Variants in FOXP1 observed in about 807,000 individuals in gnomAD.
FOXP1 encodes the protein forkhead box P1.
A neutral mutation model predicts 98.2 loss-of-function variants in FOXP1; 15 were observed. The observed-to-expected ratio is 0.15, with a 90% CI of 0.10 to 0.24. The LOEUF (loss-of-function observed/expected upper bound fraction) is 0.24. FOXP1 is among the 10% of genes least tolerant of loss of function. The pLI, the probability that FOXP1 is intolerant of heterozygous loss-of-function variation, is 1.00. For missense variants in FOXP1, 633 were observed against 848.5 expected (o/e 0.75, Z 3.15); for synonymous variants, 371 against 314.5 (o/e 1.18, Z -1.90).
rs749585355 is a variant in FOXP1 at position 71,389,953 on chromosome 3, A to AG, written c.-167-30710_-167-30709insC. Among the ~76,000 whole-genome samples the AG allele has an allele frequency of 5.3e-5, 8 of 152,224 alleles. No homozygotes were observed. In the East Asian group the frequency reaches 5.8e-4, roughly 11 times the overall value. ...TGCCAGTGGAAACCTTCAGCAGCAG[A>AG]AAGCTCAGGCTGCGGTTTCTTGCCG... On this transcript the variant is annotated intron_variant, in intron 3 of 20. Coordinates refer to ENST00000649528, the MANE Select transcript of FOXP1 (RefSeq NM_001349338.3).
At chr3:71,283,230 C>G (rs2071751112) in intron 5 of FOXP1, among the ~76,000 whole-genome samples, 1 of 152,184 alleles carries the variant, frequency 6.6e-6, no homozygotes, top group Non-Finnish European at 1.5e-5. Context: ...GGTTTACGGA[C>G]TCACAGAGCA....
rs59404230 is a variant in FOXP1, at chr3:71,232,877, C to CAAAAAA, written c.-11-34491_-11-34486dup. Reference sequence around the variant, plus strand: ...CGTGCCACAGAGCAAAACTCTGTCTCAAAAAAAAAAAAAAAAAAAGCAAGA... The same window carrying CAAAAAA: ...CGTGCCACAGAGCAAAACTCTGTCTCAAAAAAAAAAAAAAAAAAAAAAAAAGCAAGA... On this transcript the variant is annotated intron_variant, in intron 5 of 20. Coordinates refer to ENST00000649528, the MANE Select transcript of FOXP1 (RefSeq NM_001349338.3). Among the ~76,000 whole-genome samples the CAAAAAA allele has an allele frequency of 5.6e-3, 177 of 31,404 alleles. 18 individuals carry two copies. The highest frequency in any genetic ancestry group is 0.091 in the Middle Eastern group (2 of 22). 20.6% of individuals were successfully genotyped at this position (31,404 alleles called of 152,430 possible).
upstream of FOXP1, chr3:71,583,850 G>A: frequency 7.1e-6 from 7 of 986,248 alleles, no homozygotes; most frequent in Non-Finnish European, 8.4e-6. Context: ...CACCGGCCCG[G>A]GGGCGCACCC....
intron 7 of FOXP1, among the ~76,000 whole-genome samples, chr3:71,066,849 A>G (rs1441061429): frequency 5.3e-5 from 8 of 152,238 alleles, no homozygotes; most frequent in Admixed American, 5.2e-4. Flanking sequence ...AGTGTTTATC[A>G]GCTAATAGTC....
intron 2 of FOXP1, among the ~76,000 whole-genome samples, chr3:71,518,730 G>A (rs1466415397): frequency 1.3e-5 from 2 of 152,168 alleles, no homozygotes; most frequent in East Asian, 3.9e-4. Flanking sequence ...TACCTATTGG[G>A]TTTGAGTCAT....
At chr3:71,126,871 C>CAAAAAAAAAAAAAAAAAAAAAAAA (rs1230464030) in intron 6 of FOXP1, among the ~76,000 whole-genome samples, 2 of 77,106 alleles carry the variant, frequency 2.6e-5, no homozygotes, top group African/African-American at 9.6e-5. Context: ...AAAAAACAAA[C>CAAAAAAAAAAAAAAAAAAAAAAAA]AAAAAAAAAA....
intron 2 of FOXP1, among the ~76,000 whole-genome samples, chr3:71,532,110 T>C (rs1304624655): frequency 6.6e-6 from 1 of 152,166 alleles, no homozygotes; most frequent in Non-Finnish European, 1.5e-5. Flanking sequence ...AAAAAATTCT[T>C]TTGTTTTGAG....
intron 6 of FOXP1, among the ~76,000 whole-genome samples, chr3:71,137,113 G>A (rs1293498400): frequency 6.6e-6 from 1 of 152,124 alleles, no homozygotes; most frequent in Non-Finnish European, 1.5e-5. Flanking sequence ...TTAGTGTAGT[G>A]GGTGGTGGGA....
chr3:71,282,931 G>T (rs542199686), intron 5 of FOXP1, among the ~76,000 whole-genome samples: 16 of 152,310 alleles, frequency 1.1e-4, no homozygotes, highest in African/African-American at 3.6e-4. Context: ...GTCGGCACCT[G>T]AGATAGTCAA....
intron 5 of FOXP1, among the ~76,000 whole-genome samples, chr3:71,273,243 G>C (rs2070560722): frequency 6.6e-6 from 1 of 152,184 alleles, no homozygotes; most frequent in African/African-American, 2.4e-5. Context: ...CTGGCAATGA[G>C]GCACTGGGAA....
intron 3 of FOXP1, among the ~76,000 whole-genome samples, chr3:71,384,159 G>A (rs947539976): frequency 2.6e-5 from 4 of 152,200 alleles, no homozygotes; most frequent in African/African-American, 9.6e-5. Flanking sequence ...GGTGGAGGTT[G>A]CAGTGAGCTG....
intron 2 of FOXP1, among the ~76,000 whole-genome samples, chr3:71,544,848 C>CT (rs11414939): frequency 0.87 from 131,569 of 150,806 alleles, 59,221 homozygotes; most frequent in African/African-American, 0.97. Flanking sequence ...GATAATAGGG[C>CT]TTTTTTTTTC....
chr3:70,995,431 A>G (rs1025908512), intron 13 of FOXP1, among the ~76,000 whole-genome samples: 1 of 152,214 alleles, frequency 6.6e-6, no homozygotes, highest in East Asian at 1.9e-4. Flanking sequence ...ACTTTGCTCC[A>G]TTCCATTTCT....
At chr3:71,075,680 A>G (rs1335507985) in intron 7 of FOXP1, among the ~76,000 whole-genome samples, 1 of 151,698 alleles carries the variant, frequency 6.6e-6, no homozygotes, top group Non-Finnish European at 1.5e-5. Context: ...TGATTTGCTA[A>G]ACACTGAGCT....
intron 3 of FOXP1, among the ~76,000 whole-genome samples, chr3:71,449,510 C>A (rs2086743658): frequency 6.6e-6 from 1 of 152,206 alleles, no homozygotes. Context: ...TGGCTGGGAG[C>A]AGCCCAGGCA....
chr3:71,369,765 A>G (rs1448915367), intron 3 of FOXP1, among the ~76,000 whole-genome samples: 1 of 152,212 alleles, frequency 6.6e-6, no homozygotes, highest in Non-Finnish European at 1.5e-5. Context: ...AAGATCGACC[A>G]TAGAGTGTAG....
At chr3:70,972,750 C>T (rs2036537799) in intron 17 of FOXP1, 74 bp from the exon 18 acceptor site, 1 of 1,472,012 alleles carries the variant, frequency 6.8e-7, no homozygotes, top group Admixed American at 1.8e-5. Flanking sequence ...GTAAATTCAG[C>T]CTAACAGTCC....
intron 2 of FOXP1, among the ~76,000 whole-genome samples, chr3:71,506,375 G>C (rs749418645): frequency 6.6e-6 from 1 of 152,182 alleles, no homozygotes; most frequent in Non-Finnish European, 1.5e-5. Context: ...AACAGGGCAA[G>C]TGGTAGTTTT....
Position 70,972,403 on chromosome 3 carries a change from A to G in FOXP1, c.1652+152T>C. 3.4e-6 allele frequency: 4 copies of G among 1,167,892 alleles called. No homozygotes were observed. In the South Asian group the frequency reaches 5.0e-5, roughly 15 times the overall value. The allele number at this position is 1,167,892 out of a possible 1,614,324, so 72.3% of individuals were successfully genotyped here. A position where few individuals can be genotyped will look rare whatever the true frequency, so the allele number is the denominator to read the frequency against. On this transcript the variant is annotated intron_variant, in intron 18 of 20. Transcript: ENST00000649528. ...GCAGGGGGACTGGTGGGTATACAAA[A>G]CAGGAGGGATGAAATGCTTTTTTGC...
Sources: gnomAD v4.1 joint callset for allele counts (sites outside exome capture counted in the v4.1 genomes callset) on GRCh38, gnomAD v4.1.1 for gene constraint, MANE v1.5 for transcripts, NCBI Gene and HGNC (gene_info 2026-07-23, HGNC 2026-07-21) for gene names.